The following NDUFA10 variants were observed in gnomAD, a reference collection of about 807,000 sequenced individuals.
NDUFA10 encodes NADH:ubiquinone oxidoreductase subunit A10.
In NDUFA10, 40 loss-of-function variants were observed where a neutral mutation model predicts 47.8. The ratio of observed to expected loss-of-function variants is 0.84; its 90% confidence interval spans 0.65 to 1.09. The LOEUF is 1.09. Among genes scored for constraint, NDUFA10 ranks in the 50% least tolerant of loss-of-function variants. The pLI is 0.00. For synonymous variants in NDUFA10, 183 were observed against 172.2 expected (o/e 1.06, Z -0.49); for missense variants, 413 against 451.1 (o/e 0.92, Z 0.76).
chr2:239,938,152 T>G (rs74370139), intron 4 of NDUFA10, among the ~76,000 whole-genome samples: 17,992 of 152,136 alleles, frequency 0.12, 1,270 homozygotes, highest in East Asian at 0.25. Context: ...ACTTCTCTTC[T>G]CGGACAGCTC....
At chr2:239,949,328 C>T (rs73005547) in intron 4 of NDUFA10, among the ~76,000 whole-genome samples, 2,367 of 152,194 alleles carry the variant, frequency 0.016, 36 homozygotes, top group Non-Finnish European at 0.025. Flanking sequence ...CTACAGCTGC[C>T]CAGGTATTTG....
Position 240,014,872 on chromosome 2 carries a change from G to A in NDUFA10, c.548-12C>T, listed in dbSNP as rs1344714444. Reference sequence around the variant, plus strand: ...GTAGTGGTCCACACCTGGCACATAGGAGAAAGGGGCGCTGTCACCTACCAG... The same window carrying A: ...GTAGTGGTCCACACCTGGCACATAGAAGAAAGGGGCGCTGTCACCTACCAG... On this transcript the variant is annotated splice_polypyrimidine_tract_variant and intron_variant, in intron 4 of 9. Coordinates refer to ENST00000252711, the MANE Select transcript of NDUFA10 (RefSeq NM_004544.4). 2.5e-6 allele frequency: 4 copies of A among 1,614,142 alleles called. No individual in the cohort carries two copies. Among genetic ancestry groups the A allele is most frequent in the Non-Finnish European group, 3.4e-6 (4 of 1,180,016 alleles).
chr2:239,983,732 G>A, intron 9 of NDUFA10: 2 of 1,555,734 alleles, frequency 1.3e-6, no homozygotes, highest in Non-Finnish European at 1.7e-6. Flanking sequence ...AGAAACATCG[G>A]GCAACCCTCA....
At chr2:240,015,662 C>T (rs781240910) in intron 4 of NDUFA10, among the ~76,000 whole-genome samples, 4 of 152,192 alleles carry the variant, frequency 2.6e-5, no homozygotes, top group Non-Finnish European at 4.4e-5. Flanking sequence ...CCCAAGGGAA[C>T]CCTGCCGCTC....
intron 4 of NDUFA10, among the ~76,000 whole-genome samples, chr2:239,929,035 C>T (rs1440557745): frequency 6.6e-6 from 1 of 152,232 alleles, no homozygotes; most frequent in Non-Finnish European, 1.5e-5. Context: ...AGACAAGAAC[C>T]AAAGCAGGCT....
rs73105359 is a variant in NDUFA10 at position 239,969,627 on chromosome 2, C to T, written c.1000-8441G>A. On this transcript the variant is annotated intron_variant, in intron 9 of 9. Transcript: ENST00000252711. Reference sequence around the variant, plus strand: ...TCTTTCCTGGATTCTTTCTTCCTGTCTCTTGTCACAGTCCCGCAAGGAAGA... The same window carrying T: ...TCTTTCCTGGATTCTTTCTTCCTGTTTCTTGTCACAGTCCCGCAAGGAAGA... 2,234 of 471,070 alleles carry T rather than the reference C, an allele frequency of 4.7e-3. 36 individuals are homozygous for T. Among genetic ancestry groups the T allele is most frequent in the African/African-American group, 0.04 (2,019 of 50,180 alleles). 29.2% of individuals were successfully genotyped at this position (471,070 alleles called of 1,614,324 possible).
At chr2:239,999,097 C>T (rs187805308) in intron 8 of NDUFA10, among the ~76,000 whole-genome samples, 12 of 152,262 alleles carry the variant, frequency 7.9e-5, no homozygotes, top group African/African-American at 2.9e-4. Context: ...GAACTCACCA[C>T]AGAAGCGGGG....
intron 1 of NDUFA10, among the ~76,000 whole-genome samples, chr2:240,024,968 C>T (rs1377312133): frequency 1.3e-5 from 1 of 76,500 alleles, no homozygotes; most frequent in East Asian, 4.8e-4. Context: ...TCAGGGCAGC[C>T]TCGGGGCCCT....
At chr2:240,023,850 C>CA (rs1291234753) in intron 1 of NDUFA10, among the ~76,000 whole-genome samples, 1 of 152,324 alleles carries the variant, frequency 6.6e-6, no homozygotes. Flanking sequence ...ACACCTCTCG[C>CA]AAATGAAATT....
intron 1 of NDUFA10, among the ~76,000 whole-genome samples, chr2:240,022,935 A>T (rs1204732985): frequency 1.3e-5 from 2 of 152,140 alleles, no homozygotes; most frequent in African/African-American, 2.4e-5. Flanking sequence ...AAGAGAGCAA[A>T]TTTGAGTGTC....
chr2:239,957,436 T>A lies in NDUFA10; in HGVS notation c.*3682A>T, dbSNP rs1383102400. 6.6e-6 allele frequency: 1 copy of A among 152,224 alleles called. No homozygotes were observed. The highest frequency in any genetic ancestry group is 1.5e-5 in the Non-Finnish European group (1 of 68,034). 9.4% of individuals were successfully genotyped at this position (152,224 alleles called of 1,614,324 possible). A position where few individuals can be genotyped will look rare whatever the true frequency, so the allele number is the denominator to read the frequency against. On this transcript the variant is annotated 3_prime_UTR_variant, in exon 10 of 10. Coordinates refer to ENST00000252711, the MANE Select transcript of NDUFA10 (RefSeq NM_004544.4). ...ACTAAAATGAGAGCTTCCCAAAATG[T>A]AACCAGCAATTGGATCTAACTAACT...
In NDUFA10 at chr2:239,973,546, T is replaced by C. The variant is rs182391870; in HGVS notation, c.1000-12360A>G. ...GATTCTGTTGTCCTAGCAACTATCT[T>C]GGACACGATCAGCTTCAAGGAGGGA... On this transcript the variant is annotated intron_variant, in intron 9 of 9. Transcript: ENST00000252711. 2.7e-4 allele frequency: 128 copies of C among 470,794 alleles called. 1 individual carries two copies. The Admixed American group carries it at 2.9e-3, about 11-fold the overall frequency. The allele number at this position is 470,794 out of a possible 1,614,324, so 29.2% of individuals were successfully genotyped here.
At chr2:239,988,675 C>A (rs1696105414) in intron 9 of NDUFA10, among the ~76,000 whole-genome samples, 1 of 152,208 alleles carries the variant, frequency 6.6e-6, no homozygotes, top group Non-Finnish European at 1.5e-5. Flanking sequence ...CCTGGCCACT[C>A]ACAAAAGCAG....
intron 4 of NDUFA10, among the ~76,000 whole-genome samples, chr2:239,931,690 C>T (rs986348801): frequency 5.3e-5 from 8 of 152,234 alleles, no homozygotes. Context: ...GAAGGCTGGC[C>T]CACAGGCCAT....
intron 4 of NDUFA10, among the ~76,000 whole-genome samples, chr2:239,924,131 A>G (rs1326595319): frequency 1.3e-5 from 2 of 152,174 alleles, no homozygotes; most frequent in Non-Finnish European, 2.9e-5. Flanking sequence ...TCAAAGAGTA[A>G]TTAGTGCCAA....
intron 9 of NDUFA10, among the ~76,000 whole-genome samples, chr2:239,963,050 C>A (rs1043854050): frequency 2.0e-5 from 3 of 151,980 alleles, no homozygotes; most frequent in African/African-American, 7.2e-5. Flanking sequence ...CATCTAAAGG[C>A]GGGGGGGAGG....
intron 4 of NDUFA10, among the ~76,000 whole-genome samples, chr2:239,911,945 T>TG (rs1176601397): frequency 2.0e-5 from 3 of 152,074 alleles, no homozygotes; most frequent in East Asian, 1.9e-4. Context: ...GGAACAGCCC[T>TG]GGGGGGTTTC....
chr2:240,020,717 C>A (rs1056999582), intron 3 of NDUFA10, among the ~76,000 whole-genome samples: 3 of 152,174 alleles, frequency 2.0e-5, no homozygotes, highest in Non-Finnish European at 4.4e-5. Context: ...TTCTGCCTCC[C>A]CCCGTCATCT....
At chr2:240,020,254 G>A (rs1479260285) in intron 3 of NDUFA10, among the ~76,000 whole-genome samples, 1 of 152,144 alleles carries the variant, frequency 6.6e-6, no homozygotes, top group African/African-American at 2.4e-5. Flanking sequence ...CTGAGCTTGT[G>A]CGTGAGAAGC....
Sources: gnomAD v4.1 joint callset for allele counts (sites outside exome capture counted in the v4.1 genomes callset) on GRCh38, gnomAD v4.1.1 for gene constraint, MANE v1.5 for transcripts, NCBI Gene and HGNC (gene_info 2026-07-23, HGNC 2026-07-21) for gene names.